Variants in FSIP1 observed in about 807,000 individuals in gnomAD.
FSIP1 encodes the protein fibrous sheath-interacting protein 1.
In FSIP1, 65 loss-of-function variants were observed where a neutral mutation model predicts 60.9. The ratio of observed to expected loss-of-function variants is 1.07; its 90% CI spans 0.87 to 1.31. The LOEUF (loss-of-function observed/expected upper bound fraction) is 1.31. Ranked by LOEUF, FSIP1 falls within the 40% of genes most tolerant of loss-of-function variation. FSIP1 has a pLI of 0.00. For missense variants in FSIP1, 675 were observed against 665.5 expected (o/e 1.01, Z -0.16); for synonymous variants, 209 against 221.2 (o/e 0.94, Z 0.49).
chr15:39,709,781 C>T lies in FSIP1; in HGVS notation c.1188+3663G>A, dbSNP rs554238145. On this transcript the variant is annotated intron_variant, in intron 10 of 11. Coordinates refer to ENST00000350221, the MANE Select transcript of FSIP1 (RefSeq NM_152597.5). ...GGCATGTGCAGTTCACAACAGGACTCGCGCTCCTATGAGAATCTAATGCCA... is the reference window on the plus strand; with the variant it reads ...GGCATGTGCAGTTCACAACAGGACTTGCGCTCCTATGAGAATCTAATGCCA... 5.9e-5 allele frequency among the ~76,000 whole-genome samples: 9 copies of T among 152,218 alleles called. No individual in the cohort carries two copies. The South Asian group carries it at 1.7e-3, about 28-fold the overall frequency.
chr15:39,766,818 C>CTA (rs1897705462), intron 3 of FSIP1, among the ~76,000 whole-genome samples: 1 of 152,166 alleles, frequency 6.6e-6, no homozygotes, highest in Non-Finnish European at 1.5e-5. Context: ...TGATGTTTCT[C>CTA]TATAATGTGC....
At chr15:39,625,860 A>G (rs1172851623) in intron 10 of FSIP1, among the ~76,000 whole-genome samples, 1 of 152,258 alleles carries the variant, frequency 6.6e-6, no homozygotes, top group African/African-American at 2.4e-5. Context: ...TACTCCGGGA[A>G]GTAGATCCAG....
intron 9 of FSIP1, among the ~76,000 whole-genome samples, chr15:39,718,222 A>G (rs1461459372): frequency 6.6e-6 from 1 of 152,110 alleles, no homozygotes; most frequent in Non-Finnish European, 1.5e-5. Context: ...ACATAGATAG[A>G]TAGATAGATA....
intron 10 of FSIP1, among the ~76,000 whole-genome samples, chr15:39,701,319 GA>G (rs994586915): frequency 5.3e-5 from 8 of 152,074 alleles, no homozygotes; most frequent in Admixed American, 2.6e-4. Context: ...AAAAAAGTTG[GA>G]AAAAAATCCA....
chr15:39,725,730 A>G (rs1242254706), intron 9 of FSIP1, among the ~76,000 whole-genome samples: 1 of 152,164 alleles, frequency 6.6e-6, no homozygotes, highest in South Asian at 2.1e-4. Flanking sequence ...ATGAAGTACT[A>G]AAATATAGGG....
At chr15:39,713,713 G>A in intron 9 of FSIP1, 132 bp from the exon 10 acceptor site, 1 of 765,398 alleles carries the variant, frequency 1.3e-6, no homozygotes, top group East Asian at 2.8e-5. Flanking sequence ...AAAACAATAT[G>A]TATAACGCTT....
rs367712135 is a variant in FSIP1, at chr15:39,741,881, T to C, written c.579A>G (p.Glu193=). Residue 193 remains glutamate (E), a synonymous_variant, in exon 6 of 12, where the codon GAA becomes GAG. Transcript: ENST00000350221. ...EETVGPSHEE[E]DTFSSVFHTQ... Reference sequence around the variant, plus strand: ...TATGAAACACTGAGGAAAAGGTGTCTTCCTCCTCATGAGAAGGACCTGTTG... The same window carrying C: ...TATGAAACACTGAGGAAAAGGTGTCCTCCTCCTCATGAGAAGGACCTGTTG... 1.3e-5 allele frequency: 21 copies of C among 1,596,122 alleles called. No homozygotes were observed. Among genetic ancestry groups the C allele is most frequent in the Admixed American group, 1.7e-5 (1 of 59,952 alleles).
intron 8 of FSIP1, among the ~76,000 whole-genome samples, chr15:39,728,874 T>C (rs1566904360): frequency 6.6e-6 from 1 of 151,956 alleles, no homozygotes; most frequent in African/African-American, 2.4e-5. Context: ...AGGTCTAATA[T>C]CCAGAATCTA....
At chr15:39,713,958 T>C (rs148217115) in intron 9 of FSIP1, among the ~76,000 whole-genome samples, 4 of 152,194 alleles carry the variant, frequency 2.6e-5, no homozygotes, top group African/African-American at 9.7e-5. Flanking sequence ...ACCCTGCCCA[T>C]CCATATTATT....
intron 10 of FSIP1, among the ~76,000 whole-genome samples, chr15:39,629,234 A>G (rs1254231034): frequency 6.6e-6 from 1 of 152,150 alleles, no homozygotes; most frequent in East Asian, 1.9e-4. Context: ...AGGCCATGAG[A>G]TGCTGGGAGA....
downstream of FSIP1, chr15:39,598,277 C>G (rs1890524009): frequency 6.6e-6 from 1 of 152,122 alleles, no homozygotes; most frequent in Non-Finnish European, 1.5e-5. Context: ...TAAAATCTTC[C>G]TTGTTGATTT....
intron 10 of FSIP1, among the ~76,000 whole-genome samples, chr15:39,655,847 T>A (rs1893049941): frequency 6.6e-6 from 1 of 152,190 alleles, no homozygotes; most frequent in South Asian, 2.1e-4. Flanking sequence ...ATCTTTCCAC[T>A]GTTCCAAGAA....
intron 10 of FSIP1, among the ~76,000 whole-genome samples, chr15:39,632,561 G>A (rs1469167340): frequency 2.0e-5 from 3 of 152,130 alleles, no homozygotes; most frequent in East Asian, 1.9e-4. Flanking sequence ...TTGGGAGGCC[G>A]AGGAGGGTGG....
intron 5 of FSIP1, among the ~76,000 whole-genome samples, chr15:39,746,826 G>C (rs567800422): frequency 8.9e-4 from 122 of 137,066 alleles, no homozygotes; most frequent in South Asian, 7.9e-3. Context: ...TAAAAATAAA[G>C]GGGGAAGAAG....
At chr15:39,681,288 G>T (rs559859809) in intron 10 of FSIP1, among the ~76,000 whole-genome samples, 1 of 151,552 alleles carries the variant, frequency 6.6e-6, no homozygotes, top group Non-Finnish European at 1.5e-5. Flanking sequence ...TTTTGGCTTT[G>T]GTTTTTTGTT....
chr15:39,691,874 G>A (rs889674813), intron 10 of FSIP1, among the ~76,000 whole-genome samples: 2 of 151,974 alleles, frequency 1.3e-5, no homozygotes, highest in African/African-American at 4.8e-5. Flanking sequence ...CTGTGAGGGG[G>A]TAGATAGATA....
downstream of FSIP1, chr15:39,598,099 G>A (rs1403625902): frequency 6.6e-6 from 1 of 152,218 alleles, no homozygotes; most frequent in African/African-American, 2.4e-5. Flanking sequence ...AGGCCCAAGT[G>A]TACCAATAAG....
intron 8 of FSIP1, among the ~76,000 whole-genome samples, chr15:39,729,573 T>A (rs1896325976): frequency 6.6e-6 from 1 of 151,654 alleles, no homozygotes; most frequent in African/African-American, 2.4e-5. Context: ...GACCCTGTCT[T>A]AAGGAGAGAA....
At chr15:39,719,111 G>A (rs2140569702) in intron 9 of FSIP1, among the ~76,000 whole-genome samples, 1 of 152,310 alleles carries the variant, frequency 6.6e-6, no homozygotes, top group Middle Eastern at 3.4e-3. Flanking sequence ...GAAAGCAGAG[G>A]CCAAGAGGGG....
Sources: gnomAD v4.1 joint callset for allele counts (sites outside exome capture counted in the v4.1 genomes callset) on GRCh38, gnomAD v4.1.1 for gene constraint, MANE v1.5 for transcripts, NCBI Gene and HGNC (gene_info 2026-07-23, HGNC 2026-07-21) for gene names.